Variants in OR52N4 observed in about 807,000 individuals in gnomAD.
OR52N4 encodes olfactory receptor family 52 subfamily N member 4, also known as olfactory receptor 52N4.
Under a neutral mutation model 15.0 loss-of-function variants are expected in OR52N4, and 15 were observed. The ratio of observed to expected loss-of-function variants is 1.00; its 90% CI spans 0.67 to 1.54. The LOEUF is 1.54. Among genes scored for constraint, OR52N4 ranks in the 40% most tolerant of loss-of-function variants. OR52N4 has a pLI of 0.00. For synonymous variants in OR52N4, 143 were observed against 143.7 expected (o/e 1.00, Z 0.03); for missense variants, 421 against 394.0 (o/e 1.07, Z -0.58).
At chr11:5,743,060 A>G in the OR52N4 span, among the ~76,000 whole-genome samples, 2 of 152,174 alleles carry the variant, frequency 1.3e-5, no homozygotes, top group African/African-American at 2.4e-5. Context: ...GTTTCACACA[A>G]ATGGAAAACA....
chr11:5,734,773 C>T, the OR52N4 span, among the ~76,000 whole-genome samples: 1 of 152,180 alleles, frequency 6.6e-6, no homozygotes, highest in South Asian at 2.1e-4. Context: ...CAGGATAAAA[C>T]TATTGTGTTG....
chr11:5,754,987 G>C lies in OR52N4; in HGVS notation c.247G>C (p.Ala83Pro). The C allele has an allele frequency of 6.2e-7, 1 of 1,613,840 alleles. No individual in the cohort carries two copies. Among genetic ancestry groups the C allele is most frequent in the Non-Finnish European group, 8.5e-7 (1 of 1,179,882 alleles). The part of the protein sequence containing the change: ...LVMCSSTIPK[A>P]LCIFWFHLKD... Reference sequence around the variant, plus strand: ...TATGTGCTCTAGTACAATCCCTAAAGCCCTCTGCATCTTCTGGTTTCATCT... The same window carrying C: ...TATGTGCTCTAGTACAATCCCTAAACCCCTCTGCATCTTCTGGTTTCATCT... The change falls in exon 2 of 2, where the codon GCC becomes CCC. Residue 83 changes from alanine (A) to proline (P), a missense_variant. Ala to Pro is a conservative substitution (Grantham distance 27, BLOSUM62 -1). Transcript: ENST00000641350.
chr11:5,747,344 T>C, the OR52N4 span, among the ~76,000 whole-genome samples: 1 of 151,908 alleles, frequency 6.6e-6, no homozygotes, highest in Admixed American at 6.6e-5. Flanking sequence ...AATGCAGTTA[T>C]ATAGGAGGAA....
the OR52N4 span, chr11:5,737,590 CT>C: frequency 9.0e-7 from 1 of 1,111,600 alleles, no homozygotes; most frequent in Non-Finnish European, 1.2e-6. Context: ...TTGGGATTCC[CT>C]TTTTATATTT....
chr11:5,737,029 T>G, the OR52N4 span: 3 of 1,613,888 alleles, frequency 1.9e-6, no homozygotes, highest in African/African-American at 4.0e-5. Context: ...TGCCTGTGCT[T>G]GCAGCACAGC....
chr11:5,741,904 C>T, the OR52N4 span, among the ~76,000 whole-genome samples: 1 of 152,248 alleles, frequency 6.6e-6, no homozygotes, highest in African/African-American at 2.4e-5. Context: ...TGACGCCTAA[C>T]ATCTGCAATC....
In OR52N4 at chr11:5,755,577, A is replaced by G. The variant is rs368021924; in HGVS notation, c.837A>G (p.Val279=). The change falls in exon 2 of 2, where the codon GTA becomes GTG. Residue 279 remains valine, a synonymous_variant. Coordinates refer to ENST00000641350, the MANE Select transcript of OR52N4 (RefSeq NM_001005175.5). ...HIIPPSCHII[V]ANIYLLLPPT... ...TCCCCCCTTCTTGCCACATCATTGT[A>G]GCCAATATTTATCTGCTCCTACCAC... The G allele has an allele frequency of 1.2e-6, 2 of 1,613,842 alleles. No individual in the cohort carries two copies. The highest frequency in any genetic ancestry group is 8.5e-7 in the Non-Finnish European group (1 of 1,179,826).
the OR52N4 span, among the ~76,000 whole-genome samples, chr11:5,730,944 T>G: frequency 6.6e-6 from 1 of 152,114 alleles, no homozygotes; most frequent in Non-Finnish European, 1.5e-5. Flanking sequence ...TCTGATGATA[T>G]CATCTTGAAC....
the OR52N4 span, among the ~76,000 whole-genome samples, chr11:5,735,570 T>C: frequency 1.3e-5 from 2 of 151,978 alleles, no homozygotes; most frequent in Non-Finnish European, 2.9e-5. Context: ...AGAGTGCATA[T>C]GAATGAAGTA....
chr11:5,750,728 TTC>T (rs964280644), upstream of OR52N4, among the ~76,000 whole-genome samples: 10 of 152,098 alleles, frequency 6.6e-5, no homozygotes, highest in South Asian at 2.1e-4. Context: ...AGTTTATAAA[TTC>T]TGTCTGAAAG....
At chr11:5,748,107 A>C in the OR52N4 span, among the ~76,000 whole-genome samples, 1 of 151,966 alleles carries the variant, frequency 6.6e-6, no homozygotes, top group African/African-American at 2.4e-5. Flanking sequence ...ACTTTTAATC[A>C]GCTATAGTAA....
Position 5,755,646 on chromosome 11 carries a change from A to T in OR52N4, c.906A>T (p.Ile302=), listed in dbSNP as rs186724400. 9.9e-6 allele frequency: 16 copies of T among 1,613,836 alleles called. No individual in the cohort carries two copies. The Admixed American group carries it at 1.8e-4, about 18-fold the overall frequency. ...TCTATGGGGTGAAAACCAAACAGAT[A>T]CGAGACTGTGTCATAAGGATCCTTT... ...PIVYGVKTKQ[I]RDCVIRILSG... is the part of the protein sequence containing the mutation. Residue 302 remains isoleucine, a synonymous_variant, in exon 2 of 2, where the codon ATA becomes ATT. Coordinates refer to ENST00000641350, the MANE Select transcript of OR52N4 (RefSeq NM_001005175.5).
chr11:5,730,446 C>T, the OR52N4 span, among the ~76,000 whole-genome samples: 2 of 152,144 alleles, frequency 1.3e-5, no homozygotes, highest in Non-Finnish European at 1.5e-5. Context: ...CCGCCTCAGC[C>T]TCCCAAAGTG....
At chr11:5,752,473 G>A (rs893493765), upstream of OR52N4, among the ~76,000 whole-genome samples, 1 of 152,144 alleles carries the variant, frequency 6.6e-6, no homozygotes, top group Non-Finnish European at 1.5e-5. Flanking sequence ...GGGCACAAAA[G>A]AGAGTTCATT....
the OR52N4 span, among the ~76,000 whole-genome samples, chr11:5,740,130 G>A: frequency 1.6e-5 from 2 of 127,198 alleles, 1 homozygote; most frequent in Non-Finnish European, 3.5e-5. Flanking sequence ...CTTTGTAGAG[G>A]ACTAAACCCA....
upstream of OR52N4, among the ~76,000 whole-genome samples, chr11:5,752,748 A>G (rs1564957742): frequency 1.3e-5 from 2 of 152,174 alleles, no homozygotes; most frequent in African/African-American, 2.4e-5. Context: ...CAAATCAAGT[A>G]AGGGAATATG....
chr11:5,733,643 C>T, the OR52N4 span, among the ~76,000 whole-genome samples: 1 of 152,128 alleles, frequency 6.6e-6, no homozygotes, highest in Non-Finnish European at 1.5e-5. Flanking sequence ...CTCCCCCCAC[C>T]TCAACTAGAC....
the OR52N4 span, among the ~76,000 whole-genome samples, chr11:5,739,581 AC>A: frequency 9.2e-3 from 981 of 106,976 alleles, 150 homozygotes; most frequent in African/African-American, 0.032. Context: ...AAAAAAAAAA[AC>A]CATGATAAGT....
the OR52N4 span, chr11:5,736,558 C>G: frequency 8.7e-6 from 14 of 1,613,644 alleles, no homozygotes; most frequent in Non-Finnish European, 1.2e-5. Context: ...CCAATAGCTC[C>G]AAATTCCAGG....
Sources: gnomAD v4.1 joint callset for allele counts (sites outside exome capture counted in the v4.1 genomes callset) on GRCh38, gnomAD v4.1.1 for gene constraint, MANE v1.5 for transcripts, NCBI Gene and HGNC (gene_info 2026-07-23, HGNC 2026-07-21) for gene names.